Variants in EFCAB13 observed in about 807,000 individuals in gnomAD.
EFCAB13 encodes the protein EF-hand calcium binding domain 13, also known as EF-hand calcium-binding domain-containing protein 13.
Under a neutral mutation model 110.2 loss-of-function variants are expected in EFCAB13, and 91 were observed. That is an observed-to-expected ratio of 0.83 (90% CI 0.70 to 0.98). The LOEUF is 0.98. EFCAB13 is among the 50% of genes least tolerant of loss of function. EFCAB13 has a pLI of 0.00. For synonymous variants in EFCAB13, 323 were observed against 369.9 expected (o/e 0.87, Z 1.45); for missense variants, 968 against 1,119.4 (o/e 0.86, Z 1.93).
intron 4 of EFCAB13, chr17:47,328,662 A>C (rs2065301913): frequency 3.1e-6 from 1 of 326,012 alleles, no homozygotes. Flanking sequence ...AAAGGGTTAA[A>C]CTTACATGAG....
At chr17:47,393,795 T>C (rs1042619787) in intron 15 of EFCAB13, among the ~76,000 whole-genome samples, 8 of 151,300 alleles carry the variant, frequency 5.3e-5, no homozygotes, top group Non-Finnish European at 7.4e-5. Context: ...TATGTATGCT[T>C]GAGAGGGACT....
intron 9 of EFCAB13, among the ~76,000 whole-genome samples, chr17:47,359,583 G>T (rs1317767552): frequency 7.0e-6 from 1 of 143,656 alleles, no homozygotes; most frequent in Admixed American, 7.2e-5. Context: ...AAATTTAGCA[G>T]TTGGACACGG....
intron 10 of EFCAB13, among the ~76,000 whole-genome samples, chr17:47,366,002 C>T (rs2065543410): frequency 1.3e-5 from 2 of 152,086 alleles, no homozygotes; most frequent in Non-Finnish European, 2.9e-5. Context: ...GTTAATTTTT[C>T]TGTAGCAGAA....
At chr17:47,396,492 A>T (rs1430623402) in intron 17 of EFCAB13, among the ~76,000 whole-genome samples, 3 of 152,184 alleles carry the variant, frequency 2.0e-5, no homozygotes, top group Non-Finnish European at 4.4e-5. Context: ...AAAAAATGTA[A>T]AGTAAGTCTC....
At chr17:47,427,543 C>G (rs973833831) in intron 23 of EFCAB13, among the ~76,000 whole-genome samples, 1 of 151,826 alleles carries the variant, frequency 6.6e-6, no homozygotes, top group African/African-American at 2.4e-5. Context: ...CTTAATGCTC[C>G]AAAGGATATA....
intron 14 of EFCAB13, among the ~76,000 whole-genome samples, chr17:47,383,669 A>T (rs1009375336): frequency 7.9e-5 from 12 of 152,064 alleles, no homozygotes; most frequent in Non-Finnish European, 1.3e-4. Flanking sequence ...ATTCTTTTGC[A>T]TTTGCTGAGG....
At chr17:47,389,803 G>T (rs537086785) in intron 14 of EFCAB13, among the ~76,000 whole-genome samples, 2 of 152,014 alleles carry the variant, frequency 1.3e-5, no homozygotes, top group Non-Finnish European at 2.9e-5. Context: ...GGCTGCAAAT[G>T]ATTTTCCATT....
intron 17 of EFCAB13, among the ~76,000 whole-genome samples, chr17:47,396,848 C>G (rs900976656): frequency 1.3e-5 from 2 of 151,936 alleles, no homozygotes; most frequent in Non-Finnish European, 2.9e-5. Context: ...AATTTCTACC[C>G]AATAATATAG....
chr17:47,335,477 TG>T, intron 5 of EFCAB13, 121 bp downstream of exon 5: 1 of 762,076 alleles, frequency 1.3e-6, no homozygotes. Context: ...CATGCATATT[TG>T]TGGTCATTCT....
chr17:47,351,073 C>T (rs1156925494), intron 9 of EFCAB13, among the ~76,000 whole-genome samples: 1 of 152,086 alleles, frequency 6.6e-6, no homozygotes, highest in Non-Finnish European at 1.5e-5. Context: ...TCCCACACTT[C>T]CAAGTCTCCA....
Position 47,440,508 on chromosome 17 carries a change from T to G in EFCAB13, c.2716T>G (p.Phe906Val). The G allele has an allele frequency of 6.2e-7, 1 of 1,612,226 alleles. No homozygotes were observed. The highest frequency in any genetic ancestry group is 8.5e-7 in the Non-Finnish European group (1 of 1,179,354). Residue 906 changes from phenylalanine to valine, a missense_variant, in exon 25 of 25, where the codon TTT becomes GTT. Transcript: ENST00000331493. Reference sequence around the variant, plus strand: ...GACAATTCCTAAAGCTGCAGGTAAGTTTTATTTAATATGTACTTATTGCCC... The same window carrying G: ...GACAATTCCTAAAGCTGCAGGTAAGGTTTATTTAATATGTACTTATTGCCC... ...ILTIPKAAGK[F>V]YLICTYCPDL... is the part of the protein sequence containing the mutation.
intron 15 of EFCAB13, among the ~76,000 whole-genome samples, chr17:47,392,701 A>T (rs1433102043): frequency 6.6e-6 from 1 of 152,214 alleles, no homozygotes; most frequent in Non-Finnish European, 1.5e-5. Flanking sequence ...AATGGAAAGA[A>T]TAGTTAGATC....
intron 23 of EFCAB13, among the ~76,000 whole-genome samples, chr17:47,428,038 C>T (rs1395700422): frequency 2.0e-5 from 3 of 151,194 alleles, no homozygotes; most frequent in African/African-American, 4.9e-5. Context: ...TCCTACTGAC[C>T]GGTTGTATGA....
intron 5 of EFCAB13, among the ~76,000 whole-genome samples, chr17:47,341,183 A>C (rs2065382430): frequency 6.6e-6 from 1 of 152,180 alleles, no homozygotes; most frequent in Non-Finnish European, 1.5e-5. Context: ...GTATAGAAGG[A>C]GAACTTATAG....
intron 10 of EFCAB13, among the ~76,000 whole-genome samples, chr17:47,362,506 TC>T (rs1428960802): frequency 1.3e-5 from 2 of 152,098 alleles, no homozygotes; most frequent in Non-Finnish European, 2.9e-5. Flanking sequence ...AGTCTCCCTT[TC>T]CCCGGGGGAG....
At position 47,394,024 on chromosome 17, in the gene EFCAB13, G is replaced by T; in HGVS notation, c.1727-1G>T. The T allele has an allele frequency of 6.5e-7, 1 of 1,533,972 alleles. No homozygotes were observed. Among genetic ancestry groups the T allele is most frequent in the Non-Finnish European group, 8.7e-7 (1 of 1,144,078 alleles). ...AAAAAATGTGTTTCTTTTTCCTGTA[G>T]AAACAAAAAAAGTGAATTTTAAAGA... On this transcript the variant is annotated splice_acceptor_variant, in intron 15 of 24. Transcript: ENST00000331493. LOFTEE classifies it high-confidence loss of function.
At chr17:47,438,739 T>C (rs1905257850) in intron 24 of EFCAB13, among the ~76,000 whole-genome samples, 1 of 152,152 alleles carries the variant, frequency 6.6e-6, no homozygotes, top group Non-Finnish European at 1.5e-5. Flanking sequence ...TTTGTCTTTC[T>C]CTGGTCCCTC....
chr17:47,328,121 G>A lies in EFCAB13; in HGVS notation c.-85-148G>A, dbSNP rs567095349. On this transcript the variant is annotated intron_variant, in intron 3 of 24. Coordinates refer to ENST00000331493, the MANE Select transcript of EFCAB13 (RefSeq NM_152347.5). ...TATAGTCTACTAACTGCTTTTTCTA[G>A]TGTTTGCCCACATATCTGTGTTGGT... The A allele has an allele frequency of 1.4e-5, 7 of 501,108 alleles. No individual in the cohort carries two copies. The East Asian group carries it at 2.3e-4, about 16-fold the overall frequency. The allele number at this position is 501,108 out of a possible 1,614,324, so 31.0% of individuals were successfully genotyped here.
intron 24 of EFCAB13, 193 bp downstream of exon 24, chr17:47,430,154 G>A: frequency 8.2e-7 from 1 of 1,216,332 alleles, no homozygotes; most frequent in Non-Finnish European, 1.0e-6. Context: ...GGAAGTCAGA[G>A]CTCATCTTAT....
Sources: allele counts gnomAD v4.1 joint callset (sites outside exome capture counted in the v4.1 genomes callset), GRCh38; gene constraint gnomAD v4.1.1; transcripts MANE v1.5; gene names NCBI Gene and HGNC (gene_info 2026-07-23, HGNC 2026-07-21).